The following BIN1 variants were observed in gnomAD, a reference collection of about 807,000 sequenced individuals.
The protein encoded by BIN1 is bridging integrator 1, also known as myc box-dependent-interacting protein 1.
Under a neutral mutation model 82.0 loss-of-function variants are expected in BIN1, and 53 were observed. That is an observed-to-expected ratio of 0.65 (90% CI 0.52 to 0.81). The LOEUF is 0.81. Among genes scored for constraint, BIN1 ranks in the 40% least tolerant of loss-of-function variants. The probability of loss-of-function intolerance (pLI) is 0.00; values close to 1 mark genes in which losing one functional copy is unlikely to be tolerated. For synonymous variants in BIN1, 302 were observed against 328.0 expected (o/e 0.92, Z 0.86); for missense variants, 642 against 784.4 (o/e 0.82, Z 2.17).
At chr2:127,052,205 C>A (rs887718789) in intron 15 of BIN1, 50 bp downstream of exon 15, 6 of 1,527,050 alleles carry the variant, frequency 3.9e-6, no homozygotes, top group Non-Finnish European at 5.3e-6. Context: ...CCATGCTGCA[C>A]CCCTAGAGAC....
chr2:127,055,735 C>T (rs1311783665), intron 12 of BIN1: 3 of 152,318 alleles, frequency 2.0e-5, no homozygotes, highest in Non-Finnish European at 4.4e-5. Flanking sequence ...GCTGTGCTGC[C>T]CCGGCAGGTG....
chr2:127,054,260 A>T, intron 12 of BIN1: 1 of 544,882 alleles, frequency 1.8e-6, no homozygotes, highest in South Asian at 2.0e-5. Flanking sequence ...CCACACCAGG[A>T]GGACGACCCC....
At chr2:127,105,070 G>A (rs1680862877) in intron 1 of BIN1, among the ~76,000 whole-genome samples, 1 of 152,230 alleles carries the variant, frequency 6.6e-6, no homozygotes, top group African/African-American at 2.4e-5. Context: ...AAGAGAGAGG[G>A]ATGGTGTCTC....
Position 127,053,121 on chromosome 2 carries a change from C to T in BIN1, c.1263+301G>A, listed in dbSNP as rs17014818. 182,400 of 496,230 alleles carry T rather than the reference C, an allele frequency of 0.37. 34,671 individuals are homozygous for T. The highest frequency in any genetic ancestry group is 0.48 in the South Asian group (23,489 of 48,654). 30.7% of individuals were successfully genotyped at this position (496,230 alleles called of 1,614,324 possible). The stretch of plus-strand genomic sequence containing the variant: ...TCGTCCATCCTGGGTGACCGGCCCA[C>T]TTCTGTCTGGAGGCAAACACTCACA... On this transcript the variant is annotated intron_variant, in intron 14 of 18. Transcript: ENST00000316724.
At chr2:127,054,353 G>A (rs1025365561) in intron 12 of BIN1, 8 of 361,220 alleles carry the variant, frequency 2.2e-5, no homozygotes, top group South Asian at 5.0e-5. Context: ...GCTCTCTTCC[G>A]CCACCATCCA....
At chr2:127,053,310 G>A in intron 14 of BIN1, 112 bp downstream of exon 14, 3 of 1,453,852 alleles carry the variant, frequency 2.1e-6, no homozygotes, top group Non-Finnish European at 2.9e-6. Context: ...CCTGCGTGTG[G>A]GGGGTGTGTG....
At chr2:127,064,542 C>T (rs1409720024) in intron 7 of BIN1, among the ~76,000 whole-genome samples, 1 of 152,218 alleles carries the variant, frequency 6.6e-6, no homozygotes, top group Non-Finnish European at 1.5e-5. Flanking sequence ...CACCAGCCTT[C>T]ACTTCACCTC....
rs767828834 is a variant in BIN1, at chr2:127,050,911, C to G, written c.1463G>C (p.Ser488Thr). ...GETAASEAAS[S>T]SLPAVVVETF... The stretch of plus-strand genomic sequence containing the variant: ...CTCCACCACGACAGCAGGAAGAGAG[C>G]TCTGGTGGCAGAGGTACGGGTCAGC... The change falls in exon 17 of 19, where the codon AGC becomes ACC. Residue 488 changes from serine (S) to threonine (T), a missense_variant and splice_region_variant. By Grantham distance (58) the Ser-to-Thr change is moderately conservative. Coordinates refer to ENST00000316724, the MANE Select transcript of BIN1 (RefSeq NM_139343.3). 6.2e-7 allele frequency: 1 copy of G among 1,613,726 alleles called. No homozygotes were observed.
rs1448194064 is a variant in BIN1, at chr2:127,057,415, T to C, written c.1131+58A>G. The C allele has an allele frequency of 2.7e-6, 4 of 1,503,354 alleles. No individual in the cohort carries two copies. Among genetic ancestry groups the C allele is most frequent in the African/African-American group, 1.4e-5 (1 of 71,962 alleles). The allele number at this position is 1,503,354 out of a possible 1,614,324, so 93.1% of individuals were successfully genotyped here. A position where few individuals can be genotyped will look rare whatever the true frequency, so the allele number is the denominator to read the frequency against. ...ACAGAAGCATAGAGGATGAAGGCCA[T>C]GCACGCCCTGAGAGGGCAGGAAGAG... On this transcript the variant is annotated intron_variant, in intron 12 of 18. Coordinates refer to ENST00000316724, the MANE Select transcript of BIN1 (RefSeq NM_139343.3). The surrounding 1 kb of genome is among the most constrained non-coding windows in gnomAD (Gnocchi z 5.0).
intron 7 of BIN1, among the ~76,000 whole-genome samples, chr2:127,066,103 A>G (rs923986311): frequency 6.6e-6 from 1 of 152,110 alleles, no homozygotes; most frequent in Non-Finnish European, 1.5e-5. Flanking sequence ...CCTAGAGAGG[A>G]TGCACTATCT....
At chr2:127,055,297 G>A (rs1248481193) in intron 12 of BIN1, 1 of 152,354 alleles carries the variant, frequency 6.6e-6, no homozygotes, top group Non-Finnish European at 1.5e-5. Flanking sequence ...TCAGTCCTAA[G>A]AGGACCCAGC....
intron 1 of BIN1, among the ~76,000 whole-genome samples, chr2:127,095,048 G>A (rs1679417962): frequency 6.6e-6 from 1 of 152,224 alleles, no homozygotes; most frequent in Admixed American, 6.5e-5. Flanking sequence ...CTGCTTCACT[G>A]AGTCCTTGCA....
chr2:127,077,677 A>G (rs1245103503), intron 1 of BIN1, among the ~76,000 whole-genome samples: 1 of 151,850 alleles, frequency 6.6e-6, no homozygotes, highest in Non-Finnish European at 1.5e-5. Context: ...GGTAGGAAAG[A>G]GCAGGAGAAG....
At chr2:127,085,733 C>A (rs1678061285) in intron 1 of BIN1, among the ~76,000 whole-genome samples, 1 of 152,212 alleles carries the variant, frequency 6.6e-6, no homozygotes, top group African/African-American at 2.4e-5. Flanking sequence ...TCAGCTCACA[C>A]CCTCAGGGCT....
chr2:127,078,765 A>G (rs1686936626), intron 1 of BIN1, among the ~76,000 whole-genome samples: 1 of 152,142 alleles, frequency 6.6e-6, no homozygotes, highest in Non-Finnish European at 1.5e-5. Flanking sequence ...GGGACCCCCC[A>G]GAAAGTGGGC....
chr2:127,054,645 G>A (rs1342834603), intron 12 of BIN1: 3 of 154,818 alleles, frequency 1.9e-5, no homozygotes, highest in Non-Finnish European at 2.9e-5. Flanking sequence ...GCTTCAAAGT[G>A]GGGTCTTCAA....
At chr2:127,085,661 G>A (rs185905124) in intron 1 of BIN1, among the ~76,000 whole-genome samples, 2 of 152,284 alleles carry the variant, frequency 1.3e-5, no homozygotes, top group African/African-American at 4.8e-5. Flanking sequence ...CGAGCCCAGG[G>A]TGGCCAGACG....
intron 14 of BIN1, 111 bp from the exon 15 acceptor site, chr2:127,052,473 TG>T (rs1185716180): frequency 9.5e-7 from 1 of 1,051,968 alleles, no homozygotes; most frequent in Non-Finnish European, 1.4e-6. Context: ...CTGGGGTTGG[TG>T]GGGGCAGGGT....
At chr2:127,085,040 C>T (rs534884581) in intron 1 of BIN1, among the ~76,000 whole-genome samples, 1 of 152,198 alleles carries the variant, frequency 6.6e-6, no homozygotes, top group Non-Finnish European at 1.5e-5. Context: ...CATCCCCCGC[C>T]CCGCCCCACC....
Sources: gnomAD v4.1 joint callset for allele counts (sites outside exome capture counted in the v4.1 genomes callset) on GRCh38, gnomAD v4.1.1 for gene constraint, Gnocchi (gnomAD v3.1) non-coding constraint, MANE v1.5 for transcripts, NCBI Gene and HGNC (gene_info 2026-07-23, HGNC 2026-07-21) for gene names.